Variants in SGCZ observed in about 807,000 individuals in gnomAD.
The protein encoded by SGCZ is zeta-sarcoglycan.
A neutral mutation model predicts 41.3 loss-of-function variants in SGCZ; 40 were observed. The observed-to-expected ratio is 0.97, with a 90% CI of 0.75 to 1.26. The LOEUF (loss-of-function observed/expected upper bound fraction) is 1.26, where lower values mean the gene tolerates loss of function less well. Among genes scored for constraint, SGCZ ranks in the 50% most tolerant of loss-of-function variants. The pLI is 0.00. For synonymous variants in SGCZ, 206 were observed against 137.5 expected (o/e 1.50, Z -3.49); for missense variants, 552 against 369.8 (o/e 1.49, Z -4.04).
chr8:14,875,451 A>G (rs1301151858), intron 1 of SGCZ, among the ~76,000 whole-genome samples: 1 of 152,128 alleles, frequency 6.6e-6, no homozygotes, highest in Admixed American at 6.6e-5. Context: ...GAGGGAGACT[A>G]TTTATTCACA....
intron 1 of SGCZ, among the ~76,000 whole-genome samples, chr8:14,636,823 C>A (rs1268277434): frequency 6.7e-6 from 1 of 150,220 alleles, no homozygotes; most frequent in African/African-American, 2.5e-5. Flanking sequence ...AAATAAATAG[C>A]CTTAAAACAA....
intron 4 of SGCZ, among the ~76,000 whole-genome samples, chr8:14,236,087 T>G (rs1806749187): frequency 6.6e-6 from 1 of 152,150 alleles, no homozygotes; most frequent in Non-Finnish European, 1.5e-5. Context: ...TTTAAGAAAA[T>G]TAGGACATGG....
chr8:14,491,748 A>T (rs1801848428), intron 2 of SGCZ, among the ~76,000 whole-genome samples: 1 of 152,198 alleles, frequency 6.6e-6, no homozygotes, highest in Non-Finnish European at 1.5e-5. Context: ...CATGTAGGCT[A>T]TAAATTGATG....
At chr8:14,393,219 T>A (rs1174246870) in intron 2 of SGCZ, among the ~76,000 whole-genome samples, 1 of 152,164 alleles carries the variant, frequency 6.6e-6, no homozygotes, top group Non-Finnish European at 1.5e-5. Context: ...AGTAAATATA[T>A]GGGAGTCCTC....
chr8:14,518,328 T>A (rs1166297502), intron 2 of SGCZ, among the ~76,000 whole-genome samples: 1 of 152,118 alleles, frequency 6.6e-6, no homozygotes, highest in Non-Finnish European at 1.5e-5. Flanking sequence ...AGATCTTACA[T>A]TGTATGCTAG....
intron 2 of SGCZ, among the ~76,000 whole-genome samples, chr8:14,361,602 G>C (rs1234002384): frequency 6.6e-6 from 1 of 152,030 alleles, no homozygotes; most frequent in Non-Finnish European, 1.5e-5. Context: ...AAGGTTTTTA[G>C]CTTCCTTGCG....
chr8:14,633,595 G>C (rs778129667), intron 1 of SGCZ, among the ~76,000 whole-genome samples: 79 of 151,894 alleles, frequency 5.2e-4, no homozygotes, highest in Non-Finnish European at 9.6e-4. Flanking sequence ...CTGGGTGTAG[G>C]GAAATCCACT....
chr8:14,387,269 C>A (rs1804608654), intron 2 of SGCZ, among the ~76,000 whole-genome samples: 1 of 152,130 alleles, frequency 6.6e-6, no homozygotes, highest in South Asian at 2.1e-4. Flanking sequence ...CCAGACTGGC[C>A]TCGAACTCTT....
At position 14,956,192 on chromosome 8, in the gene SGCZ, A is replaced by T. The variant is rs989181169; in HGVS notation, c.39+281393T>A. ...GTATCTGGGACTACAGGCATGCGTG[A>T]CCACACCTAGCTAATTTTTGTATAT... On this transcript the variant is annotated intron_variant, in intron 1 of 7. Coordinates refer to ENST00000382080, the MANE Select transcript of SGCZ (RefSeq NM_139167.4). 6.6e-5 allele frequency among the ~76,000 whole-genome samples: 10 copies of T among 151,836 alleles called. 1 individual carries two copies. The highest frequency in any genetic ancestry group is 3.2e-3 in the Middle Eastern group (1 of 316).
At chr8:14,796,573 A>T (rs1227392682) in intron 1 of SGCZ, among the ~76,000 whole-genome samples, 1 of 152,176 alleles carries the variant, frequency 6.6e-6, no homozygotes. Context: ...CTCAATGAAG[A>T]TAACATGTAC....
chr8:14,589,578 T>G (rs1375239504), intron 1 of SGCZ, among the ~76,000 whole-genome samples: 1 of 152,132 alleles, frequency 6.6e-6, no homozygotes, highest in South Asian at 2.1e-4. Flanking sequence ...CTCTTTAAAC[T>G]TTAGATGTCT....
At chr8:14,891,826 G>A (rs1461811283) in intron 1 of SGCZ, among the ~76,000 whole-genome samples, 1 of 152,290 alleles carries the variant, frequency 6.6e-6, no homozygotes, top group East Asian at 1.9e-4. Context: ...ACCCTCATCA[G>A]TCAGCATCTT....
At chr8:14,930,712 C>T (rs1356949662) in intron 1 of SGCZ, among the ~76,000 whole-genome samples, 1 of 151,986 alleles carries the variant, frequency 6.6e-6, no homozygotes, top group Non-Finnish European at 1.5e-5. Flanking sequence ...TGGAAACCAT[C>T]ATTCTCAGCA....
At chr8:14,135,661 G>T (rs1317752670) in intron 5 of SGCZ, among the ~76,000 whole-genome samples, 1 of 151,772 alleles carries the variant, frequency 6.6e-6, no homozygotes, top group African/African-American at 2.4e-5. Flanking sequence ...ATTTGTAACT[G>T]AATTGCTTCC....
intron 1 of SGCZ, among the ~76,000 whole-genome samples, chr8:15,002,205 A>AG (rs1802450346): frequency 6.6e-6 from 1 of 151,852 alleles, no homozygotes; most frequent in Non-Finnish European, 1.5e-5. Flanking sequence ...TCAGCTCTAA[A>AG]AAAAAAAAGC....
At position 14,277,759 on chromosome 8, in the gene SGCZ, C is replaced by A. The variant is rs992395454; in HGVS notation, c.337-40080G>T. On this transcript the variant is annotated intron_variant, in intron 3 of 7. Coordinates refer to ENST00000382080, the MANE Select transcript of SGCZ (RefSeq NM_139167.4). ...CTCTTGTTTCTTCACCCACTCACAA[C>A]CCCAAGTGAGGGGAGGAATGTTCTC... is the stretch of plus-strand genomic sequence containing the variant. 6.2e-4 allele frequency among the ~76,000 whole-genome samples: 94 copies of A among 152,078 alleles called. 4 individuals carry two copies. Among genetic ancestry groups the A allele is most frequent in the Non-Finnish European group, 4.4e-5 (3 of 68,006 alleles).
chr8:14,623,935 G>A (rs1237221464), intron 1 of SGCZ, among the ~76,000 whole-genome samples: 1 of 152,108 alleles, frequency 6.6e-6, no homozygotes, highest in African/African-American at 2.4e-5. Flanking sequence ...AAACTATTTT[G>A]TTAGGACACT....
intron 2 of SGCZ, among the ~76,000 whole-genome samples, chr8:14,362,947 G>A (rs1803579213): frequency 6.6e-6 from 1 of 152,170 alleles, no homozygotes; most frequent in Non-Finnish European, 1.5e-5. Flanking sequence ...ATAGTACAAT[G>A]TGGTAAGATG....
At chr8:15,011,017 A>C (rs1243875846) in intron 1 of SGCZ, among the ~76,000 whole-genome samples, 1 of 152,096 alleles carries the variant, frequency 6.6e-6, no homozygotes, top group African/African-American at 2.4e-5. Context: ...TGAAGCTGAA[A>C]ATAATTAAAC....
Sources: gnomAD v4.1 joint callset for allele counts (sites outside exome capture counted in the v4.1 genomes callset) on GRCh38, gnomAD v4.1.1 for gene constraint, MANE v1.5 for transcripts, NCBI Gene and HGNC (gene_info 2026-07-23, HGNC 2026-07-21) for gene names.